APBA2: variants seen among roughly 807,000 people sequenced by gnomAD.
APBA2 encodes the protein amyloid-beta A4 precursor protein-binding family A member 2.
In APBA2, 30 loss-of-function variants were observed where a neutral mutation model predicts 75.0. The ratio of observed to expected loss-of-function variants is 0.40; its 90% CI spans 0.30 to 0.54. The LOEUF (loss-of-function observed/expected upper bound fraction) is 0.54. APBA2 is among the 20% of genes least tolerant of loss of function. The probability of loss-of-function intolerance (pLI) is 0.49; values close to 1 mark genes in which losing one functional copy is unlikely to be tolerated. For missense variants in APBA2, 801 were observed against 1,016.1 expected, an observed-to-expected ratio of 0.79 and a Z score of 2.88; for synonymous variants, 444 against 409.6, an observed-to-expected ratio of 1.08 and a Z score of -1.01.
At chr15:28,907,733 T>G (rs2033203492) in intron 1 of APBA2, among the ~76,000 whole-genome samples, 1 of 152,196 alleles carries the variant, frequency 6.6e-6, no homozygotes, top group Non-Finnish European at 1.5e-5. Context: ...GGACTCTCCC[T>G]GGGCTGACTC....
At chr15:29,113,155 G>A (rs759932549) in intron 13 of APBA2, among the ~76,000 whole-genome samples, 1 of 151,904 alleles carries the variant, frequency 6.6e-6, no homozygotes, top group Admixed American at 6.6e-5. Flanking sequence ...GGGTGTGCAC[G>A]GCGCCTGTTT....
chr15:29,112,330 GTGGCAGGTGGCAAT>G (rs2044779027), intron 13 of APBA2, among the ~76,000 whole-genome samples: 1 of 152,220 alleles, frequency 6.6e-6, no homozygotes. Context: ...AACATTCCCT[GTGGCAGGTGGCAAT>G]GCTTAGCACC....
chr15:29,088,231 T>C (rs921365571), intron 6 of APBA2, among the ~76,000 whole-genome samples: 4 of 152,194 alleles, frequency 2.6e-5, no homozygotes, highest in Non-Finnish European at 4.4e-5. Context: ...TCTTGGTACT[T>C]AGCAGAGCAG....
chr15:29,051,426 A>C (rs1264237834), intron 3 of APBA2, among the ~76,000 whole-genome samples: 1 of 152,090 alleles, frequency 6.6e-6, no homozygotes, highest in Non-Finnish European at 1.5e-5. Context: ...TCCGCATACC[A>C]GTGATGCTCC....
chr15:29,005,846 A>C (rs2152807648), intron 3 of APBA2, among the ~76,000 whole-genome samples: 1 of 151,138 alleles, frequency 6.6e-6, no homozygotes, highest in Middle Eastern at 3.4e-3. Flanking sequence ...CCTGGGCAAC[A>C]GAGCGAGACT....
intron 1 of APBA2, among the ~76,000 whole-genome samples, chr15:28,921,272 T>G (rs1230946090): frequency 6.6e-6 from 1 of 152,184 alleles, no homozygotes; most frequent in East Asian, 1.9e-4. Flanking sequence ...TTCCCTTATC[T>G]TCCTACAAAA....
intron 6 of APBA2, among the ~76,000 whole-genome samples, chr15:29,089,818 T>G (rs2152946229): frequency 6.6e-6 from 1 of 152,326 alleles, no homozygotes; most frequent in Non-Finnish European, 1.5e-5. Context: ...TAAATCACTC[T>G]CTGGGGAGAC....
At chr15:28,973,120 T>C (rs917490059) in intron 2 of APBA2, among the ~76,000 whole-genome samples, 4 of 152,226 alleles carry the variant, frequency 2.6e-5, no homozygotes, top group Admixed American at 1.3e-4. Context: ...GCAAACTCCA[T>C]TGAGGTCCGG....
chr15:29,021,373 C>G lies in APBA2; in HGVS notation c.-41+25567C>G, dbSNP rs976456787. Among the ~76,000 whole-genome samples, 26 of 151,998 alleles carry G rather than the reference C, an allele frequency of 1.7e-4. 1 individual carries two copies. The highest frequency in any genetic ancestry group is 1.4e-3 in the Admixed American group (21 of 15,270). ...TGAAACCCCGTCTCTACTAAAAATACAAAAATTAGCTGGGCATGGTGGCGC... is the reference window on the plus strand; with the variant it reads ...TGAAACCCCGTCTCTACTAAAAATAGAAAAATTAGCTGGGCATGGTGGCGC... On this transcript the variant is annotated intron_variant, in intron 3 of 14. Transcript: ENST00000683413.
At chr15:29,095,816 C>A (rs74756880) in intron 8 of APBA2, among the ~76,000 whole-genome samples, 2,938 of 152,312 alleles carry the variant, frequency 0.019, 61 homozygotes, top group African/African-American at 0.049. Flanking sequence ...TCTTCCCGGG[C>A]TGATTTCCTC....
At chr15:28,917,798 A>G (rs1022045742) in intron 1 of APBA2, among the ~76,000 whole-genome samples, 3 of 152,190 alleles carry the variant, frequency 2.0e-5, no homozygotes, top group African/African-American at 7.2e-5. Flanking sequence ...TTGTCTTATT[A>G]GCTGACTCTT....
intron 2 of APBA2, among the ~76,000 whole-genome samples, chr15:28,983,815 G>A (rs2037753735): frequency 6.6e-6 from 1 of 152,204 alleles, no homozygotes; most frequent in African/African-American, 2.4e-5. Context: ...GGAAGGTTAG[G>A]CCATGGGATC....
At chr15:29,105,941 G>A (rs1281600175) in intron 11 of APBA2, among the ~76,000 whole-genome samples, 2 of 152,252 alleles carry the variant, frequency 1.3e-5, no homozygotes, top group Non-Finnish European at 2.9e-5. Context: ...GGTCCCAGTG[G>A]CTTCCCCCAG....
chr15:29,070,583 G>C, intron 4 of APBA2: 1 of 159,078 alleles, frequency 6.3e-6, no homozygotes, highest in Non-Finnish European at 1.4e-5. Flanking sequence ...TTGTAAAGAG[G>C]AGTGGAAGGA....
chr15:29,081,015 C>T (rs148244124), intron 6 of APBA2, among the ~76,000 whole-genome samples: 136 of 152,236 alleles, frequency 8.9e-4, no homozygotes, highest in Non-Finnish European at 1.9e-3. Context: ...ATCAACTTGC[C>T]CAGCTCCGTG....
intron 1 of APBA2, among the ~76,000 whole-genome samples, chr15:28,904,254 G>C (rs1232388094): frequency 6.6e-6 from 1 of 152,082 alleles, no homozygotes; most frequent in African/African-American, 2.4e-5. Flanking sequence ...GGGCACCCCG[G>C]CTCCCAGCAT....
intron 2 of APBA2, among the ~76,000 whole-genome samples, chr15:28,973,555 G>T (rs1163278298): frequency 6.6e-6 from 1 of 152,160 alleles, no homozygotes; most frequent in African/African-American, 2.4e-5. Context: ...CATAGCAGGG[G>T]ACAGGCTTCA....
chr15:29,100,679 C>G (rs1355449148), intron 9 of APBA2, among the ~76,000 whole-genome samples: 1 of 152,196 alleles, frequency 6.6e-6, no homozygotes, highest in Non-Finnish European at 1.5e-5. Context: ...CATTGAATGA[C>G]AAACATTGGC....
chr15:28,949,615 A>G (rs537726569), intron 2 of APBA2, among the ~76,000 whole-genome samples: 1 of 152,162 alleles, frequency 6.6e-6, no homozygotes, highest in African/African-American at 2.4e-5. Context: ...ACTTCAGGTG[A>G]GCACCACCAT....
Sources: gnomAD v4.1 joint callset for allele counts (sites outside exome capture counted in the v4.1 genomes callset) on GRCh38, gnomAD v4.1.1 for gene constraint, MANE v1.5 for transcripts, NCBI Gene and HGNC (gene_info 2026-07-23, HGNC 2026-07-21) for gene names.